MLLT11: variants seen among roughly 807,000 people sequenced by gnomAD.
MLLT11 encodes the protein protein AF1q.
Under a neutral mutation model 5.3 loss-of-function variants are expected in MLLT11, and 1 was observed. The ratio of observed to expected loss-of-function variants is 0.19; its 90% CI spans 0.07 to 0.89. The LOEUF (loss-of-function observed/expected upper bound fraction) is 0.89. Ranked by LOEUF, MLLT11 falls within the 40% of genes least tolerant of loss-of-function variation. The pLI, the probability that MLLT11 is intolerant of heterozygous loss-of-function variation, is 0.67. For synonymous variants in MLLT11, 38 were observed against 41.7 expected, an observed-to-expected ratio of 0.91 and a Z score of 0.34; for missense variants, 87 against 107.3, an observed-to-expected ratio of 0.81 and a Z score of 0.83.
chr1:151,067,050 T>C (rs1156303133), intron 1 of MLLT11, 169 bp from the exon 2 acceptor site: 1 of 514,726 alleles, frequency 1.9e-6, no homozygotes, highest in Non-Finnish European at 3.3e-6. Flanking sequence ...CCTCCCCAAA[T>C]TCCTTTTTAC....
rs1676534209 is a variant in MLLT11, at chr1:151,069,329, G to A, written c.*1832G>A. On this transcript the variant is annotated 3_prime_UTR_variant, in exon 2 of 2. Coordinates refer to ENST00000368921, the MANE Select transcript of MLLT11 (RefSeq NM_006818.4). The stretch of plus-strand genomic sequence containing the variant: ...AAGGATGATCTAGAGAAGTCCCCAG[G>A]TGGGAGAAAAAAAGACAAATCCTCC... Among the ~76,000 whole-genome samples, 1 of 152,082 alleles carries A rather than the reference G, an allele frequency of 6.6e-6. No homozygotes were observed. Among genetic ancestry groups the A allele is most frequent in the African/African-American group, 2.4e-5 (1 of 41,410 alleles).
chr1:151,063,286 T>G (rs1290995960), intron 1 of MLLT11, among the ~76,000 whole-genome samples: 1 of 152,212 alleles, frequency 6.6e-6, no homozygotes, highest in African/African-American at 2.4e-5. Context: ...TTTAGGAGTC[T>G]CTGGCCTGGT....
rs1571858213 is a variant in MLLT11, at chr1:151,067,631, G to A, written c.*134G>A. The A allele has an allele frequency of 1.6e-5, 16 of 977,824 alleles. No individual in the cohort carries two copies. The highest frequency in any genetic ancestry group is 1.4e-4 in the East Asian group (6 of 41,636). 60.6% of individuals were successfully genotyped at this position (977,824 alleles called of 1,614,324 possible). The stretch of plus-strand genomic sequence containing the variant: ...TGGTGCTGATGAATCTGCCAGAGTT[G>A]AGTTCTATGTATTTATTTATCTATC... On this transcript the variant is annotated 3_prime_UTR_variant, in exon 2 of 2. Transcript: ENST00000368921.
intron 1 of MLLT11, among the ~76,000 whole-genome samples, chr1:151,062,364 A>AT (rs587651455): frequency 0.012 from 1,648 of 136,390 alleles, 11 homozygotes; most frequent in African/African-American, 0.029. Context: ...CCATGATTCT[A>AT]TTTTTTTTTT....
chr1:151,067,963 C>G lies in MLLT11; in HGVS notation c.*466C>G. ...TAATTTGAGGTTATCTGCTACGAAA[C>G]AGTATTTCTAAAAGGCTAAAGTGAT... On this transcript the variant is annotated 3_prime_UTR_variant, in exon 2 of 2. Transcript: ENST00000368921. The G allele has an allele frequency of 4.0e-6, 1 of 247,666 alleles. No individual in the cohort carries two copies. 15.3% of individuals were successfully genotyped at this position (247,666 alleles called of 1,614,324 possible).
At chr1:151,061,212 T>A (rs915844835) in intron 1 of MLLT11, among the ~76,000 whole-genome samples, 6 of 152,208 alleles carry the variant, frequency 3.9e-5, no homozygotes, top group Admixed American at 3.9e-4. Context: ...GGTGGAGGAA[T>A]GCTAGTAGGA....
intron 1 of MLLT11, among the ~76,000 whole-genome samples, chr1:151,064,122 A>G (rs1293579742): frequency 6.6e-6 from 1 of 151,918 alleles, no homozygotes; most frequent in Non-Finnish European, 1.5e-5. Context: ...CCCAGGTTCA[A>G]GCAATTTTCC....
In MLLT11 at chr1:151,067,466, G is replaced by T; in HGVS notation, c.242G>T (p.Ser81Ile). 1 of 1,614,046 alleles carries T rather than the reference G, an allele frequency of 6.2e-7. No individual in the cohort carries two copies. The highest frequency in any genetic ancestry group is 8.5e-7 in the Non-Finnish European group (1 of 1,180,030). The change falls in exon 2 of 2, where the codon AGC (serine) becomes ATC (isoleucine). Residue 81 changes from serine to isoleucine, a missense_variant. By Grantham distance (142) the Ser-to-Ile change is moderately radical (BLOSUM62 -2). Transcript: ENST00000368921. ...TFNFWRAPIA[S>I]IHSFELDLL Reference sequence around the variant, plus strand: ...AACTTCTGGAGAGCTCCCATTGCCAGCATCCACTCCTTCGAACTGGACTTG... The same window carrying T: ...AACTTCTGGAGAGCTCCCATTGCCATCATCCACTCCTTCGAACTGGACTTG...
At position 151,063,720 on chromosome 1, in the gene MLLT11, C is replaced by G. The variant is rs1243319483; in HGVS notation, c.-7+3167C>G. Reference sequence around the variant, plus strand: ...GATTACAGGCGTAAGCCACCACGCCCGACCACAACTAATGCTTCTTGACCC... The same window carrying G: ...GATTACAGGCGTAAGCCACCACGCCGGACCACAACTAATGCTTCTTGACCC... On this transcript the variant is annotated intron_variant, in intron 1 of 1. Transcript: ENST00000368921. Among the ~76,000 whole-genome samples, 4 of 152,174 alleles carry G rather than the reference C, an allele frequency of 2.6e-5. No individual in the cohort carries two copies. The East Asian group carries it at 7.8e-4, about 30-fold the overall frequency.
chr1:151,066,435 G>C (rs1297054424), intron 1 of MLLT11, among the ~76,000 whole-genome samples: 5 of 152,200 alleles, frequency 3.3e-5, no homozygotes, highest in African/African-American at 1.2e-4. Context: ...ACCACACCTG[G>C]CTGAAATGCG....
At chr1:151,065,338 T>C (rs587615962) in intron 1 of MLLT11, among the ~76,000 whole-genome samples, 2 of 152,344 alleles carry the variant, frequency 1.3e-5, no homozygotes, top group Non-Finnish European at 2.9e-5. Context: ...GCTTTTTAAA[T>C]TGCAAGATAG....
At chr1:151,063,984 T>G (rs970562407) in intron 1 of MLLT11, among the ~76,000 whole-genome samples, 1 of 151,974 alleles carries the variant, frequency 6.6e-6, no homozygotes, top group Non-Finnish European at 1.5e-5. Flanking sequence ...AGAAAAGAGA[T>G]CCCTGTTACA....
chr1:151,067,987 A>G lies in MLLT11; in HGVS notation c.*490A>G, dbSNP rs1012851715. ...ACAGTATTTCTAAAAGGCTAAAGTG[A>G]TAAGTCTCTTGCTTTTTTTTGATCC... On this transcript the variant is annotated 3_prime_UTR_variant, in exon 2 of 2. Transcript: ENST00000368921. 7 of 245,864 alleles carry G rather than the reference A, an allele frequency of 2.8e-5. No individual in the cohort carries two copies. The highest frequency in any genetic ancestry group is 1.8e-4 in the South Asian group (1 of 5,586). The allele number at this position is 245,864 out of a possible 1,614,324, so 15.2% of individuals were successfully genotyped here.
chr1:151,063,292 C>G (rs1402782812), intron 1 of MLLT11, among the ~76,000 whole-genome samples: 1 of 152,164 alleles, frequency 6.6e-6, no homozygotes, highest in Non-Finnish European at 1.5e-5. Context: ...AGTCTCTGGC[C>G]TGGTGAGACC....
At chr1:151,066,069 G>T (rs1676471893) in intron 1 of MLLT11, among the ~76,000 whole-genome samples, 1 of 152,084 alleles carries the variant, frequency 6.6e-6, no homozygotes, top group African/African-American at 2.4e-5. Context: ...GGAACTCCTA[G>T]TCTCAAGTCA....
chr1:151,060,874 GTTTAAT>G (rs1427311645), intron 1 of MLLT11, among the ~76,000 whole-genome samples: 3 of 152,080 alleles, frequency 2.0e-5, no homozygotes, highest in African/African-American at 7.2e-5. Flanking sequence ...TTTACCAGCT[GTTTAAT>G]TTTTAGTCCT....
Position 151,064,525 on chromosome 1 carries a change from T to C in MLLT11, c.-6-2694T>C, listed in dbSNP as rs180915938. On this transcript the variant is annotated intron_variant, in intron 1 of 1. Transcript: ENST00000368921. ...GAGAAAGTAGATTGGTCTTTACCCT[T>C]GGGGAAACTCCTAGGTATGGGGACA... is the stretch of plus-strand genomic sequence containing the variant. Among the ~76,000 whole-genome samples, 40 of 152,304 alleles carry C rather than the reference T, an allele frequency of 2.6e-4. No homozygotes were observed. The East Asian group carries it at 7.5e-3, about 29-fold the overall frequency.
At chr1:151,062,059 T>A (rs74125065) in intron 1 of MLLT11, among the ~76,000 whole-genome samples, 23 of 152,080 alleles carry the variant, frequency 1.5e-4, no homozygotes, top group African/African-American at 5.6e-4. Flanking sequence ...TTTTTTTTTT[T>A]CTCAGATTCT....
intron 1 of MLLT11, among the ~76,000 whole-genome samples, chr1:151,063,819 G>A (rs2102980187): frequency 6.6e-6 from 1 of 152,326 alleles, no homozygotes; most frequent in East Asian, 1.9e-4. Context: ...GGCTTGGGTA[G>A]AATGAGTAGA....
Sources: gnomAD v4.1 joint callset for allele counts (sites outside exome capture counted in the v4.1 genomes callset) on GRCh38, gnomAD v4.1.1 for gene constraint, MANE v1.5 for transcripts, NCBI Gene and HGNC (gene_info 2026-07-23, HGNC 2026-07-21) for gene names.